Variants in PRTFDC1 observed in about 807,000 individuals in gnomAD.
The protein encoded by PRTFDC1 is phosphoribosyl transferase domain containing 1.
PRTFDC1 carries 38 observed loss-of-function variants against 34.6 expected under a neutral mutation model. The ratio of observed to expected loss-of-function variants is 1.10; its 90% CI spans 0.85 to 1.44. The LOEUF is 1.44. PRTFDC1 is among the 40% of genes most tolerant of loss of function. The pLI is 0.00. For synonymous variants in PRTFDC1, 93 were observed against 98.1 expected (o/e 0.95, Z 0.31); for missense variants, 270 against 283.0 (o/e 0.95, Z 0.33).
intron 3 of PRTFDC1, among the ~76,000 whole-genome samples, chr10:24,922,443 C>A (rs1431982542): frequency 6.6e-6 from 1 of 152,180 alleles, no homozygotes; most frequent in Non-Finnish European, 1.5e-5. Context: ...ATGGGAGGGA[C>A]CCTGTGGGAA....
At chr10:24,944,363 TC>T (rs1016848188) in intron 1 of PRTFDC1, among the ~76,000 whole-genome samples, 8 of 151,994 alleles carry the variant, frequency 5.3e-5, no homozygotes, top group African/African-American at 1.9e-4. Context: ...CCACTGCTAT[TC>T]CCCCACCCCC....
intron 3 of PRTFDC1, among the ~76,000 whole-genome samples, chr10:24,907,595 CA>C (rs1848557400): frequency 1.3e-5 from 2 of 151,968 alleles, no homozygotes; most frequent in Non-Finnish European, 2.9e-5. Flanking sequence ...GACTCTGTCT[CA>C]AAAAAATAAA....
chr10:24,854,846 CA>C, intron 7 of PRTFDC1, among the ~76,000 whole-genome samples: 1 of 152,156 alleles, frequency 6.6e-6, no homozygotes, highest in East Asian at 1.9e-4. Flanking sequence ...TGCTAAAGGT[CA>C]CCATTGTGCG....
intron 3 of PRTFDC1, among the ~76,000 whole-genome samples, chr10:24,895,948 T>C (rs926626204): frequency 4.0e-5 from 6 of 151,438 alleles, no homozygotes; most frequent in Admixed American, 1.3e-4. Flanking sequence ...TAAAACTAGT[T>C]CCCCCCCTTC....
intron 3 of PRTFDC1, among the ~76,000 whole-genome samples, chr10:24,872,348 G>C (rs1259922077): frequency 6.6e-6 from 1 of 152,106 alleles, no homozygotes; most frequent in African/African-American, 2.4e-5. Flanking sequence ...CACTCTGGAA[G>C]GTGTCTGAGC....
chr10:24,950,590 C>T (rs113754760), intron 1 of PRTFDC1, among the ~76,000 whole-genome samples: 55 of 152,116 alleles, frequency 3.6e-4, no homozygotes, highest in East Asian at 1.2e-3. Flanking sequence ...TCTTGGTATC[C>T]GACTTGCTGT....
At chr10:24,875,146 T>A (rs1171857536) in intron 3 of PRTFDC1, among the ~76,000 whole-genome samples, 2 of 152,236 alleles carry the variant, frequency 1.3e-5, no homozygotes, top group African/African-American at 4.8e-5. Context: ...GAGAATGGAC[T>A]AATACAATAT....
At chr10:24,858,459 C>T in intron 4 of PRTFDC1, 50 bp from the exon 5 acceptor site, 1 of 1,581,372 alleles carries the variant, frequency 6.3e-7, no homozygotes, top group South Asian at 1.1e-5. Context: ...ATCTGACTCA[C>T]AGGATACATA....
At chr10:24,915,465 T>A (rs1017738197) in intron 3 of PRTFDC1, among the ~76,000 whole-genome samples, 1 of 152,200 alleles carries the variant, frequency 6.6e-6, no homozygotes, top group Non-Finnish European at 1.5e-5. Flanking sequence ...TAGGCAATGT[T>A]GGAATTGTGC....
At chr10:24,942,258 A>C in intron 2 of PRTFDC1, 72 bp downstream of exon 2, 1 of 1,238,206 alleles carries the variant, frequency 8.1e-7, no homozygotes, top group Non-Finnish European at 1.2e-6. Context: ...GTCCTAAAGT[A>C]TATTGTGGGA....
intron 2 of PRTFDC1, among the ~76,000 whole-genome samples, chr10:24,938,238 A>G (rs1388517750): frequency 6.6e-6 from 1 of 152,124 alleles, no homozygotes; most frequent in Non-Finnish European, 1.5e-5. Context: ...CAAAAAAAAA[A>G]AAAGAACATT....
chr10:24,882,584 A>G (rs1848096337), intron 3 of PRTFDC1, among the ~76,000 whole-genome samples: 1 of 152,204 alleles, frequency 6.6e-6, no homozygotes, highest in African/African-American at 2.4e-5. Flanking sequence ...TGTCTGAGTG[A>G]TTCCCACCCA....
rs117050814 is a variant in PRTFDC1 at position 24,854,314 on chromosome 10, T to C, written c.553+1004A>G. ...CAGATTATACCTTTGATAATAGTAATAGATGAGAACATGCGATTGGGTCTC... is the reference window on the plus strand; with the variant it reads ...CAGATTATACCTTTGATAATAGTAACAGATGAGAACATGCGATTGGGTCTC... On this transcript the variant is annotated intron_variant, in intron 7 of 8. Coordinates refer to ENST00000320152, the MANE Select transcript of PRTFDC1 (RefSeq NM_020200.7). 3.1e-4 allele frequency among the ~76,000 whole-genome samples: 47 copies of C among 152,308 alleles called. 1 individual carries two copies. In the East Asian group the frequency reaches 7.9e-3, roughly 26 times the overall value.
At chr10:24,872,825 T>G (rs1216521698) in intron 3 of PRTFDC1, among the ~76,000 whole-genome samples, 2 of 136,840 alleles carry the variant, frequency 1.5e-5, no homozygotes, top group Non-Finnish European at 3.1e-5. Flanking sequence ...TTTTTTTTTT[T>G]TTGAGACAGG....
At chr10:24,888,394 G>A (rs546060611) in intron 3 of PRTFDC1, among the ~76,000 whole-genome samples, 44 of 152,286 alleles carry the variant, frequency 2.9e-4, no homozygotes, top group African/African-American at 1.0e-3. Context: ...TTGTTGTGAG[G>A]TTTAATTTAA....
rs560689436 is a variant in PRTFDC1, at chr10:24,885,842, AC to A, written c.340-13780del. ...ATAAGAGCTATCAAGCCATAAAAAGACATGAAGAAAACTTAAATGCATATTA... is the reference window on the plus strand; with the variant it reads ...ATAAGAGCTATCAAGCCATAAAAAGAATGAAGAAAACTTAAATGCATATTA... On this transcript the variant is annotated intron_variant, in intron 3 of 8. Transcript: ENST00000320152. 2.1e-3 allele frequency among the ~76,000 whole-genome samples: 314 copies of A among 152,364 alleles called. 2 individuals carry two copies. Among genetic ancestry groups the A allele is most frequent in the Middle Eastern group, 6.8e-3 (2 of 294 alleles).
chr10:24,848,870 G>T lies in PRTFDC1; in HGVS notation c.*974C>A, dbSNP rs574297274. The T allele has an allele frequency of 6.6e-6, 1 of 152,176 alleles. No individual in the cohort carries two copies. Among genetic ancestry groups the T allele is most frequent in the African/African-American group, 2.4e-5 (1 of 41,436 alleles). 9.4% of individuals were successfully genotyped at this position (152,176 alleles called of 1,614,324 possible). A position where few individuals can be genotyped will look rare whatever the true frequency, so the allele number is the denominator to read the frequency against. On this transcript the variant is annotated 3_prime_UTR_variant, in exon 9 of 9. Coordinates refer to ENST00000320152, the MANE Select transcript of PRTFDC1 (RefSeq NM_020200.7). ...GTTATTCAGAAAAAAACTTTCTTGA[G>T]TGTGCTTGTTTCCTGTAGCACCTTG...
At chr10:24,907,075 G>A (rs569572030) in intron 3 of PRTFDC1, among the ~76,000 whole-genome samples, 23 of 152,164 alleles carry the variant, frequency 1.5e-4, no homozygotes, top group African/African-American at 5.1e-4. Flanking sequence ...GGCCAGGTGC[G>A]GTGGCTCACA....
At chr10:24,872,152 G>A (rs190653573) in intron 3 of PRTFDC1, 89 bp from the exon 4 acceptor site, 62 of 1,120,220 alleles carry the variant, frequency 5.5e-5, no homozygotes, top group Admixed American at 3.8e-4. Flanking sequence ...GTTAGTGGCC[G>A]GAATGTGCCT....
Sources: allele counts gnomAD v4.1 joint callset (sites outside exome capture counted in the v4.1 genomes callset), GRCh38; gene constraint gnomAD v4.1.1; transcripts MANE v1.5; gene names NCBI Gene and HGNC (gene_info 2026-07-23, HGNC 2026-07-21).